The following CNTN5 variants were observed in gnomAD, a reference collection of about 807,000 sequenced individuals.
CNTN5 encodes the protein contactin 5, also known as contactin-5.
CNTN5 carries 77 observed loss-of-function variants against 129.1 expected under a neutral mutation model. The observed-to-expected ratio is 0.60, with a 90% CI of 0.50 to 0.72. The LOEUF (loss-of-function observed/expected upper bound fraction) is 0.72. CNTN5 is among the 30% of genes least tolerant of loss of function. The pLI is 0.00. For missense variants in CNTN5, 1,478 were observed against 1,328.8 expected, an observed-to-expected ratio of 1.11 and a Z score of -1.75; for synonymous variants, 509 against 465.6, an observed-to-expected ratio of 1.09 and a Z score of -1.20.
intron 23 of CNTN5, among the ~76,000 whole-genome samples, chr11:100,348,482 A>G (rs767142357): frequency 1.3e-5 from 2 of 152,016 alleles, no homozygotes; most frequent in Non-Finnish European, 2.9e-5. Context: ...ACTGATCCAC[A>G]AATTTTTCTT....
chr11:100,240,728 CAGA>C (rs1170998383), intron 16 of CNTN5, among the ~76,000 whole-genome samples: 4 of 152,058 alleles, frequency 2.6e-5, no homozygotes, highest in African/African-American at 4.8e-5. Context: ...ATTTATACTG[CAGA>C]AGAAGAATAT....
chr11:100,239,264 C>G (rs751789097), intron 16 of CNTN5, among the ~76,000 whole-genome samples: 7 of 152,162 alleles, frequency 4.6e-5, no homozygotes, highest in Admixed American at 4.6e-4. Flanking sequence ...TAAACAAAAT[C>G]ACCAAGAAGA....
intron 1 of CNTN5, among the ~76,000 whole-genome samples, chr11:99,156,358 T>A (rs2135501622): frequency 6.6e-6 from 1 of 152,134 alleles, no homozygotes. Context: ...AAACAATAAT[T>A]GGATTTTTTT....
chr11:99,865,266 G>A (rs1948324363), intron 6 of CNTN5, among the ~76,000 whole-genome samples: 1 of 151,942 alleles, frequency 6.6e-6, no homozygotes. Context: ...GAATATAAAT[G>A]TCTGAAAGTT....
chr11:100,134,633 G>A (rs75593736), intron 13 of CNTN5, among the ~76,000 whole-genome samples: 14,625 of 152,164 alleles, frequency 0.096, 866 homozygotes, highest in Non-Finnish European at 0.13. Flanking sequence ...GTAACAGAGT[G>A]CCTAGTACAT....
At chr11:99,075,134 CA>C (rs1865511088) in intron 1 of CNTN5, among the ~76,000 whole-genome samples, 1 of 152,152 alleles carries the variant, frequency 6.6e-6, no homozygotes, top group African/African-American at 2.4e-5. Context: ...AACAATACAT[CA>C]ATACTCTGCA....
chr11:99,387,933 G>A (rs1475377367), intron 2 of CNTN5, among the ~76,000 whole-genome samples: 1 of 151,316 alleles, frequency 6.6e-6, no homozygotes, highest in Non-Finnish European at 1.5e-5. Flanking sequence ...TGAAATGAAA[G>A]TATCTGGGGG....
intron 6 of CNTN5, among the ~76,000 whole-genome samples, chr11:99,845,635 G>A (rs894946214): frequency 6.6e-6 from 1 of 152,028 alleles, no homozygotes; most frequent in African/African-American, 2.4e-5. Context: ...GCCTCCCAAA[G>A]TGCTGGGATT....
chr11:100,310,690 C>A (rs1490117313), intron 21 of CNTN5, among the ~76,000 whole-genome samples: 1 of 126,976 alleles, frequency 7.9e-6, no homozygotes, highest in African/African-American at 3.5e-5. Flanking sequence ...AAAAATAGGG[C>A]AAGAAGGTAA....
intron 21 of CNTN5, among the ~76,000 whole-genome samples, chr11:100,313,868 G>A (rs1325281129): frequency 6.6e-6 from 1 of 152,060 alleles, no homozygotes; most frequent in South Asian, 2.1e-4. Flanking sequence ...AGTTAAAGGA[G>A]TTGACCAAAA....
At chr11:100,068,830 G>T (rs1463442006) in intron 10 of CNTN5, among the ~76,000 whole-genome samples, 1 of 152,124 alleles carries the variant, frequency 6.6e-6, no homozygotes, top group Non-Finnish European at 1.5e-5. Context: ...GACTATATTG[G>T]CCAGAAGACC....
At chr11:99,126,244 T>C (rs559882388) in intron 1 of CNTN5, among the ~76,000 whole-genome samples, 1 of 152,354 alleles carries the variant, frequency 6.6e-6, no homozygotes, top group African/African-American at 2.4e-5. Flanking sequence ...GTATTCTTAC[T>C]GTTCAGGCGT....
chr11:99,389,987 G>C (rs1001229045), intron 2 of CNTN5, among the ~76,000 whole-genome samples: 1 of 152,046 alleles, frequency 6.6e-6, no homozygotes, highest in African/African-American at 2.4e-5. Context: ...TCCTCAATAT[G>C]AGAATCTAAA....
At chr11:99,889,880 G>T (rs1342147484) in intron 6 of CNTN5, among the ~76,000 whole-genome samples, 1 of 151,840 alleles carries the variant, frequency 6.6e-6, no homozygotes, top group Non-Finnish European at 1.5e-5. Flanking sequence ...TACTATTGAG[G>T]TGTTTTTGCT....
intron 2 of CNTN5, among the ~76,000 whole-genome samples, chr11:99,553,507 TC>T (rs1948562234): frequency 6.6e-6 from 1 of 152,058 alleles, no homozygotes; most frequent in Non-Finnish European, 1.5e-5. Flanking sequence ...TATTTCAGAA[TC>T]TTAAATATTA....
At chr11:99,846,064 A>T (rs6590363) in intron 6 of CNTN5, among the ~76,000 whole-genome samples, 7 of 151,580 alleles carry the variant, frequency 4.6e-5, no homozygotes, top group African/African-American at 1.7e-4. Flanking sequence ...GATTTTGACT[A>T]TATCTCCTAG....
chr11:99,265,458 GA>G (rs1862843111), intron 1 of CNTN5, among the ~76,000 whole-genome samples: 1 of 151,988 alleles, frequency 6.6e-6, no homozygotes, highest in African/African-American at 2.4e-5. Context: ...TAATGAAGCT[GA>G]AAGACAATAA....
intron 9 of CNTN5, among the ~76,000 whole-genome samples, chr11:100,002,340 T>A (rs929860343): frequency 1.3e-5 from 2 of 152,100 alleles, no homozygotes; most frequent in Non-Finnish European, 2.9e-5. Context: ...ACAGTTTCTA[T>A]AATTTTGCTA....
chr11:99,131,277 GCACTAAATGAC>G (rs1858925633), intron 1 of CNTN5, among the ~76,000 whole-genome samples: 2 of 63,732 alleles, frequency 3.1e-5, no homozygotes, highest in African/African-American at 1.3e-4. Context: ...AAAATTTATA[GCACTAAATGAC>G]CACATCAAAA....
Sources: gnomAD v4.1 joint callset for allele counts (sites outside exome capture counted in the v4.1 genomes callset) on GRCh38, gnomAD v4.1.1 for gene constraint, MANE v1.5 for transcripts, NCBI Gene and HGNC (gene_info 2026-07-23, HGNC 2026-07-21) for gene names.